Variants in SGK3 observed in about 807,000 individuals in gnomAD.
The protein encoded by SGK3 is serum/glucocorticoid regulated kinase family member 3, also known as serine/threonine-protein kinase Sgk3.
Under a neutral mutation model 68.5 loss-of-function variants are expected in SGK3, and 47 were observed. That is an observed-to-expected ratio of 0.69 (90% confidence interval 0.54 to 0.87). The LOEUF is 0.87. Ranked by LOEUF, SGK3 falls within the 40% of genes least tolerant of loss-of-function variation. The pLI, the probability that SGK3 is intolerant of heterozygous loss-of-function variation, is 0.00. For missense variants in SGK3, 479 were observed against 575.5 expected (o/e 0.83, Z 1.72); for synonymous variants, 181 against 189.1 (o/e 0.96, Z 0.35).
At chr8:66,839,325 G>A (rs1465196199) in intron 10 of SGK3, among the ~76,000 whole-genome samples, 1 of 150,780 alleles carries the variant, frequency 6.6e-6, no homozygotes, top group African/African-American at 2.4e-5. Flanking sequence ...CTGTTTAGCT[G>A]CAGCCGGTTG....
chr8:66,807,692 A>T (rs1808220776), intron 4 of SGK3, among the ~76,000 whole-genome samples: 1 of 152,214 alleles, frequency 6.6e-6, no homozygotes, highest in Non-Finnish European at 1.5e-5. Flanking sequence ...TGGAATAAAA[A>T]GTGTTACAAT....
chr8:66,855,445 C>A lies in SGK3; in HGVS notation c.1321-3966C>A, dbSNP rs183624244. Among the ~76,000 whole-genome samples the A allele has an allele frequency of 4.7e-3, 709 of 152,262 alleles. 4 individuals carry two copies. The highest frequency in any genetic ancestry group is 0.031 in the Middle Eastern group (9 of 294). Reference sequence around the variant, plus strand: ...CTTGAACTCCTGACCTTAGGCAATCCGCCTATCTGGGCCTCCCAAAGTGCT... The same window carrying A: ...CTTGAACTCCTGACCTTAGGCAATCAGCCTATCTGGGCCTCCCAAAGTGCT... On this transcript the variant is annotated intron_variant, in intron 16 of 16. Coordinates refer to ENST00000521198, the MANE Select transcript of SGK3 (RefSeq NM_001033578.3).
rs1000683077 is a variant in SGK3, at chr8:66,841,005, C to T, written c.892-19C>T. 6.6e-7 allele frequency: 1 copy of T among 1,510,940 alleles called. No homozygotes were observed. The highest frequency in any genetic ancestry group is 1.4e-5 in the African/African-American group (1 of 70,018). 93.6% of individuals were successfully genotyped at this position (1,510,940 alleles called of 1,614,324 possible). ...CATATTTATGCATTGTTTTATCTTA[C>T]TGCCCCTGTATTTGTCAGGGACATG... On this transcript the variant is annotated intron_variant, in intron 12 of 16. Coordinates refer to ENST00000521198, the MANE Select transcript of SGK3 (RefSeq NM_001033578.3).
chr8:66,793,664 A>G lies in SGK3; in HGVS notation c.-73A>G. The G allele has an allele frequency of 1.4e-6, 2 of 1,386,882 alleles. No homozygotes were observed. The highest frequency in any genetic ancestry group is 2.0e-6 in the Non-Finnish European group (2 of 1,017,412). The allele number at this position is 1,386,882 out of a possible 1,614,324, so 85.9% of individuals were successfully genotyped here. On this transcript the variant is annotated 5_prime_UTR_variant, in exon 2 of 17. Transcript: ENST00000521198. Reference sequence around the variant, plus strand: ...TACTTCAAGAGGTTTTGTATTTTGGATTAGTTAATTGGGTTTGTCCTCTGC... The same window carrying G: ...TACTTCAAGAGGTTTTGTATTTTGGGTTAGTTAATTGGGTTTGTCCTCTGC...
At chr8:66,787,657 G>C (rs1316710540) in intron 1 of SGK3, among the ~76,000 whole-genome samples, 2 of 152,204 alleles carry the variant, frequency 1.3e-5, no homozygotes, top group Non-Finnish European at 2.9e-5. Flanking sequence ...GGACGATTGG[G>C]AAAGAGGCTG....
chr8:66,789,091 C>T (rs1807327855), intron 1 of SGK3, among the ~76,000 whole-genome samples: 1 of 151,496 alleles, frequency 6.6e-6, no homozygotes, highest in Admixed American at 6.6e-5. Flanking sequence ...AGTAGTCATA[C>T]CAGATGTCCG....
At chr8:66,759,787 C>T (rs1227352821) in intron 1 of SGK3, among the ~76,000 whole-genome samples, 4 of 151,830 alleles carry the variant, frequency 2.6e-5, no homozygotes, top group South Asian at 2.1e-4. Flanking sequence ...CTCAGCCTCC[C>T]GAGTAACCAG....
At chr8:66,779,032 GA>G (rs1806842542) in intron 1 of SGK3, among the ~76,000 whole-genome samples, 1 of 152,150 alleles carries the variant, frequency 6.6e-6, no homozygotes, top group Non-Finnish European at 1.5e-5. Context: ...CTGGTCTGCA[GA>G]AAGTAATTTA....
intron 14 of SGK3, among the ~76,000 whole-genome samples, chr8:66,844,022 C>CGT (rs1809909737): frequency 6.9e-6 from 1 of 145,680 alleles, no homozygotes. Flanking sequence ...AAAAAAAACC[C>CGT]TTTTTATTTG....
chr8:66,772,093 A>ATT (rs748335053), intron 1 of SGK3, among the ~76,000 whole-genome samples: 9 of 97,504 alleles, frequency 9.2e-5, no homozygotes, highest in African/African-American at 2.9e-4. Context: ...AAGATACTGA[A>ATT]TTTTTTTTTT....
chr8:66,809,648 G>C (rs910856037), intron 4 of SGK3, among the ~76,000 whole-genome samples: 2 of 152,174 alleles, frequency 1.3e-5, no homozygotes, highest in African/African-American at 2.4e-5. Flanking sequence ...TTTGTTGTAT[G>C]AAATGTAATT....
intron 10 of SGK3, among the ~76,000 whole-genome samples, chr8:66,838,318 C>T (rs1809624377): frequency 6.6e-6 from 1 of 152,166 alleles, no homozygotes; most frequent in Non-Finnish European, 1.5e-5. Context: ...CCCGCCTCAG[C>T]CTCCCAAAGT....
At chr8:66,854,989 C>A (rs1810450413) in intron 16 of SGK3, among the ~76,000 whole-genome samples, 1 of 152,052 alleles carries the variant, frequency 6.6e-6, no homozygotes. Context: ...TCTCTAACAA[C>A]AACAACAACA....
At chr8:66,726,801 T>TAAAAAAAAAAAAAA (rs560794837) in intron 1 of SGK3, among the ~76,000 whole-genome samples, 10 of 80,980 alleles carry the variant, frequency 1.2e-4, no homozygotes, top group African/African-American at 5.8e-4. Flanking sequence ...ACCCTGTCTG[T>TAAAAAAAAAAAAAA]AAAAAAAAAA....
chr8:66,798,461 A>G, intron 2 of SGK3, 81 bp from the exon 3 acceptor site: 1 of 1,329,942 alleles, frequency 7.5e-7, no homozygotes. Flanking sequence ...AAAAAATTAA[A>G]ACAGGTTTCA....
chr8:66,740,856 G>A (rs140649929), intron 1 of SGK3, among the ~76,000 whole-genome samples: 3,072 of 145,970 alleles, frequency 0.021, 100 homozygotes, highest in African/African-American at 0.073. Flanking sequence ...GCGGTGAGCC[G>A]AGATTGCGCC....
At chr8:66,836,130 CAA>C in intron 10 of SGK3, 56 bp downstream of exon 10, 1 of 1,558,752 alleles carries the variant, frequency 6.4e-7, no homozygotes, top group South Asian at 1.2e-5. Context: ...AGCATAAAGT[CAA>C]AGTTTTTCTT....
intron 1 of SGK3, among the ~76,000 whole-genome samples, chr8:66,784,598 AT>A (rs903251135): frequency 4.2e-4 from 64 of 152,094 alleles, no homozygotes; most frequent in Non-Finnish European, 7.1e-4. Context: ...ATATAAAAAA[AT>A]TTTTTTTGAC....
At position 66,807,175 on chromosome 8, in the gene SGK3, T is replaced by G. The variant is rs368614531; in HGVS notation, c.253+2728T>G. On this transcript the variant is annotated intron_variant, in intron 4 of 16. Transcript: ENST00000521198. ...ATCTGGAATACATCTTGATGATTGC[T>G]TAGGTAACACATATAGAGAAGAGGA... is the stretch of plus-strand genomic sequence containing the variant. Among the ~76,000 whole-genome samples, 16 of 152,268 alleles carry G rather than the reference T, an allele frequency of 1.1e-4. No homozygotes were observed. The South Asian group carries it at 3.3e-3, about 32-fold the overall frequency.
Sources: allele counts gnomAD v4.1 joint callset (sites outside exome capture counted in the v4.1 genomes callset), GRCh38; gene constraint gnomAD v4.1.1; transcripts MANE v1.5; gene names NCBI Gene and HGNC (gene_info 2026-07-23, HGNC 2026-07-21).